THSD7B: variants seen among roughly 807,000 people sequenced by gnomAD.
THSD7B encodes the protein thrombospondin type 1 domain containing 7B, also known as thrombospondin type-1 domain-containing protein 7B.
In THSD7B, 138 loss-of-function variants were observed where a neutral mutation model predicts 213.6. The observed-to-expected ratio is 0.65, with a 90% confidence interval of 0.56 to 0.74. THSD7B has a LOEUF of 0.74. Among genes scored for constraint, THSD7B ranks in the 30% least tolerant of loss-of-function variants. The pLI is 0.00. For missense variants in THSD7B, 1,931 were observed against 1,991.5 expected, an observed-to-expected ratio of 0.97 and a Z score of 0.58; for synonymous variants, 742 against 687.0, an observed-to-expected ratio of 1.08 and a Z score of -1.25.
intron 12 of THSD7B, among the ~76,000 whole-genome samples, chr2:137,286,248 G>T (rs1211772228): frequency 6.6e-6 from 1 of 151,910 alleles, no homozygotes; most frequent in Non-Finnish European, 1.5e-5. Flanking sequence ...CTAATTTTCT[G>T]ATTGAAAGTG....
intron 4 of THSD7B, among the ~76,000 whole-genome samples, chr2:137,105,889 T>A (rs1195536488): frequency 6.6e-6 from 1 of 152,016 alleles, no homozygotes; most frequent in Admixed American, 6.6e-5. Context: ...CTCAAGGAAA[T>A]AAGAGAGGAC....
chr2:137,555,358 G>A (rs979769042), intron 15 of THSD7B, among the ~76,000 whole-genome samples: 2 of 152,136 alleles, frequency 1.3e-5, no homozygotes, highest in Non-Finnish European at 2.9e-5. Flanking sequence ...CCAGGGGAAC[G>A]ATTAGACAGC....
At chr2:136,991,458 C>T (rs545211371) in intron 2 of THSD7B, among the ~76,000 whole-genome samples, 46 of 152,062 alleles carry the variant, frequency 3.0e-4, no homozygotes, top group African/African-American at 1.0e-3. Flanking sequence ...GAGAGAGTCT[C>T]TCTTTTGATT....
intron 15 of THSD7B, among the ~76,000 whole-genome samples, chr2:137,556,115 C>G (rs994946573): frequency 6.6e-6 from 1 of 151,906 alleles, no homozygotes; most frequent in Non-Finnish European, 1.5e-5. Flanking sequence ...TGGAAAACAC[C>G]CTGCAGGATA....
chr2:137,563,798 G>A (rs1368420008), intron 16 of THSD7B, among the ~76,000 whole-genome samples: 1 of 152,142 alleles, frequency 6.6e-6, no homozygotes, highest in Non-Finnish European at 1.5e-5. Context: ...ACTAAAGTCT[G>A]AGAATACCTA....
In THSD7B at chr2:137,185,886, G is replaced by A. The variant is rs927765011; in HGVS notation, c.1723+14948G>A. 8.5e-5 allele frequency among the ~76,000 whole-genome samples: 13 copies of A among 152,082 alleles called. No individual in the cohort carries two copies. The East Asian group carries it at 9.7e-4, about 11-fold the overall frequency. On this transcript the variant is annotated intron_variant, in intron 7 of 27. Coordinates refer to ENST00000409968, the MANE Select transcript of THSD7B (RefSeq NM_001316349.2). Reference sequence around the variant, plus strand: ...TGTATAAGCATTCCCTTTTCTCTACGGCCTTGCCAGCATCTGTTGTTTTTT... The same window carrying A: ...TGTATAAGCATTCCCTTTTCTCTACAGCCTTGCCAGCATCTGTTGTTTTTT...
chr2:137,008,774 G>T (rs989885741), intron 2 of THSD7B, among the ~76,000 whole-genome samples: 3 of 152,130 alleles, frequency 2.0e-5, no homozygotes, highest in Admixed American at 1.3e-4. Flanking sequence ...GCTTATGAAG[G>T]AGATAGTGCC....
rs1681934700 is a variant in THSD7B, at chr2:137,242,498, T to C, written c.2192T>C (p.Phe731Ser). The change falls in exon 10 of 28, where the codon TTT becomes TCT. Residue 731 changes from phenylalanine to serine, a missense_variant. Phe to Ser is a radical substitution (Grantham distance 155, BLOSUM62 -2). Coordinates refer to ENST00000409968, the MANE Select transcript of THSD7B (RefSeq NM_001316349.2). The part of the protein sequence containing the change: ...STRPETVRPC[F>S]LPCKKDCIVT... The stretch of plus-strand genomic sequence containing the variant: ...CGACCTGAAACTGTGCGCCCCTGTT[T>C]TCTCCCATGCAAAAAAGACTGTATT... 6.2e-7 allele frequency: 1 copy of C among 1,613,808 alleles called. No individual in the cohort carries two copies. Among genetic ancestry groups the C allele is most frequent in the African/African-American group, 1.3e-5 (1 of 74,910 alleles).
chr2:137,434,455 A>G (rs928558371), intron 14 of THSD7B, among the ~76,000 whole-genome samples: 69 of 152,264 alleles, frequency 4.5e-4, no homozygotes, highest in African/African-American at 1.5e-3. Flanking sequence ...GTTTGTGTTA[A>G]CCCCGTATGG....
chr2:137,551,289 T>C (rs1320863971), intron 15 of THSD7B, among the ~76,000 whole-genome samples: 2 of 152,264 alleles, frequency 1.3e-5, no homozygotes, highest in African/African-American at 4.8e-5. Context: ...GAAGACCTTA[T>C]ACTCTTTCTT....
chr2:137,469,884 A>G (rs984899841), intron 15 of THSD7B, among the ~76,000 whole-genome samples: 2 of 152,234 alleles, frequency 1.3e-5, no homozygotes, highest in African/African-American at 4.8e-5. Flanking sequence ...AGTGAGAAGT[A>G]GTTTTAATAA....
chr2:136,802,398 A>G (rs1013989656), intron 1 of THSD7B, among the ~76,000 whole-genome samples: 1 of 151,734 alleles, frequency 6.6e-6, no homozygotes, highest in Non-Finnish European at 1.5e-5. Flanking sequence ...ATTTTGGCCA[A>G]AGACCTGAAT....
At chr2:137,670,938 AAAAAAAAAAAAAAT>A (rs1274257281) in intron 27 of THSD7B, among the ~76,000 whole-genome samples, 1 of 150,040 alleles carries the variant, frequency 6.7e-6, no homozygotes, top group African/African-American at 2.5e-5. Flanking sequence ...AAAAAAAAAA[AAAAAAAAAAAAAAT>A]GCTTGTCTTC....
At chr2:136,914,078 C>T (rs188086531) in intron 2 of THSD7B, among the ~76,000 whole-genome samples, 1 of 152,276 alleles carries the variant, frequency 6.6e-6, no homozygotes, top group East Asian at 1.9e-4. Context: ...GTGGAGCTGC[C>T]CAAGACCATG....
At chr2:137,305,442 C>T (rs61433166) in intron 12 of THSD7B, among the ~76,000 whole-genome samples, 5,476 of 152,138 alleles carry the variant, frequency 0.036, 165 homozygotes, top group Middle Eastern at 0.11. Flanking sequence ...CTACTTGGAA[C>T]CCAGGAGGAT....
chr2:137,006,300 CAG>C (rs1247091737), intron 2 of THSD7B, among the ~76,000 whole-genome samples: 18 of 152,120 alleles, frequency 1.2e-4, no homozygotes, highest in African/African-American at 4.3e-4. Context: ...GAGGCTGAGG[CAG>C]GAGAATGGCA....
intron 5 of THSD7B, among the ~76,000 whole-genome samples, chr2:137,121,323 G>A (rs1427626924): frequency 6.6e-6 from 1 of 152,150 alleles, no homozygotes; most frequent in African/African-American, 2.4e-5. Context: ...ACTGAGTAGA[G>A]GTTGCTCTGG....
chr2:137,391,039 A>G (rs1686013554), intron 12 of THSD7B, among the ~76,000 whole-genome samples: 2 of 151,996 alleles, frequency 1.3e-5, no homozygotes, highest in African/African-American at 4.8e-5. Context: ...GATTAATATC[A>G]GTTCTTCATA....
intron 2 of THSD7B, among the ~76,000 whole-genome samples, chr2:136,899,503 A>G (rs1390072885): frequency 6.6e-6 from 1 of 152,220 alleles, no homozygotes; most frequent in Non-Finnish European, 1.5e-5. Context: ...TCGGTTTTGT[A>G]CTTCAGTTTC....
Sources: allele counts gnomAD v4.1 joint callset (sites outside exome capture counted in the v4.1 genomes callset), GRCh38; gene constraint gnomAD v4.1.1; transcripts MANE v1.5; gene names NCBI Gene and HGNC (gene_info 2026-07-23, HGNC 2026-07-21).